C9orf72: variants seen among roughly 807,000 people sequenced by gnomAD.
C9orf72 encodes C9orf72-SMCR8 complex subunit.
A neutral mutation model predicts 51.6 loss-of-function variants in C9orf72; 44 were observed. That is an observed-to-expected ratio of 0.85 (90% CI 0.67 to 1.10). The LOEUF (loss-of-function observed/expected upper bound fraction) is 1.10, where lower values mean the gene tolerates loss of function less well. C9orf72 is among the 50% of genes least tolerant of loss of function. The pLI is 0.00. For missense variants in C9orf72, 607 were observed against 570.6 expected, an observed-to-expected ratio of 1.06 and a Z score of -0.65; for synonymous variants, 213 against 194.2, an observed-to-expected ratio of 1.10 and a Z score of -0.81.
At position 27,558,512 on chromosome 9, in the gene C9orf72, G is replaced by C. The variant is rs1431449268; in HGVS notation, c.834C>G (p.Leu278=). The part of the protein sequence containing the change: ...AESSFKYESG[L]FVQGLLKDST... ...ATACCTTTAGCAGGCCTTGTACAAAGAGCCCTGACTCATATTTAAATGATG... is the reference window on the plus strand; with the variant it reads ...ATACCTTTAGCAGGCCTTGTACAAACAGCCCTGACTCATATTTAAATGATG... The change falls in exon 7 of 11, where the codon CTC becomes CTG. Residue 278 remains leucine, a synonymous_variant. Coordinates refer to ENST00000380003, the MANE Select transcript of C9orf72 (RefSeq NM_018325.5). The C allele has an allele frequency of 6.3e-7, 1 of 1,592,236 alleles. No individual in the cohort carries two copies. The highest frequency in any genetic ancestry group is 1.1e-5 in the South Asian group (1 of 89,390).
At chr9:27,558,201 G>C (rs1442367879) in intron 7 of C9orf72, among the ~76,000 whole-genome samples, 1 of 150,126 alleles carries the variant, frequency 6.7e-6, no homozygotes, top group Non-Finnish European at 1.5e-5. Context: ...TCTTATTTTT[G>C]ATGTGCAACC....
chr9:27,562,045 G>T (rs1286617820), intron 4 of C9orf72, among the ~76,000 whole-genome samples: 2 of 152,152 alleles, frequency 1.3e-5, no homozygotes, highest in East Asian at 3.8e-4. Flanking sequence ...TTCCATTAAT[G>T]GTTACTACTT....
Position 27,550,644 on chromosome 9 carries a change from A to T in C9orf72, c.1149+6T>A. ...TCACTCTGACAATCTCAAGTTCAAC[A>T]TTTACCTGATCCAGGAAGGCTTTCA... On this transcript the variant is annotated splice_donor_region_variant and intron_variant, in intron 9 of 10. Transcript: ENST00000380003. 1 of 1,566,000 alleles carries T rather than the reference A, an allele frequency of 6.4e-7. No individual in the cohort carries two copies.
intron 2 of C9orf72, among the ~76,000 whole-genome samples, chr9:27,565,902 ATGT>A (rs1219676496): frequency 6.6e-6 from 1 of 152,226 alleles, no homozygotes; most frequent in African/African-American, 2.4e-5. Context: ...AAACATTATG[ATGT>A]TGTTTAAAAG....
intron 7 of C9orf72, 98 bp from the exon 8 acceptor site, chr9:27,556,894 T>A: frequency 1.3e-6 from 1 of 798,726 alleles, no homozygotes; most frequent in Non-Finnish European, 2.0e-6. Context: ...AGCAAATCCA[T>A]CTCTAAAAAT....
intron 1 of C9orf72, among the ~76,000 whole-genome samples, chr9:27,570,847 C>G (rs567905195): frequency 3.2e-4 from 48 of 151,628 alleles, no homozygotes; most frequent in Non-Finnish European, 6.8e-4. Flanking sequence ...CCAGCCTGGG[C>G]GACAGAGAGA....
chr9:27,556,552 AT>A lies in C9orf72; in HGVS notation c.1091+8del. Reference sequence around the variant, plus strand: ...TGACTACAGTACCAGCAGGCAGAGCATTACGTACAAATCAGGAGTAAAGCTT... The same window carrying A: ...TGACTACAGTACCAGCAGGCAGAGCATACGTACAAATCAGGAGTAAAGCTT... On this transcript the variant is annotated splice_region_variant and intron_variant, in intron 8 of 10. Coordinates refer to ENST00000380003, the MANE Select transcript of C9orf72 (RefSeq NM_018325.5). 1 of 1,564,650 alleles carries A rather than the reference AT, an allele frequency of 6.4e-7. No individual in the cohort carries two copies. Among genetic ancestry groups the A allele is most frequent in the Non-Finnish European group, 8.8e-7 (1 of 1,135,230 alleles).
intron 8 of C9orf72, 40 bp downstream of exon 8, chr9:27,556,521 A>G (rs1563901042): frequency 7.6e-7 from 1 of 1,317,826 alleles, no homozygotes; most frequent in Non-Finnish European, 1.1e-6. Flanking sequence ...ACAATTTCAT[A>G]TTGCTTGACT....
chr9:27,571,596 C>A (rs1284909764), intron 1 of C9orf72, among the ~76,000 whole-genome samples: 1 of 152,152 alleles, frequency 6.6e-6, no homozygotes, highest in Non-Finnish European at 1.5e-5. Context: ...GCTAGGACTA[C>A]AGGTGCACAT....
At chr9:27,564,156 C>CAAAAAAA (rs11438223) in intron 3 of C9orf72, among the ~76,000 whole-genome samples, 3 of 86,710 alleles carry the variant, frequency 3.5e-5, no homozygotes, top group Non-Finnish European at 4.5e-5. Flanking sequence ...TCAACAACAC[C>CAAAAAAA]AAAAAAAAAA....
At position 27,550,013 on chromosome 9, in the gene C9orf72, TA is replaced by T. The variant is rs548377560; in HGVS notation, c.1149+636del. On this transcript the variant is annotated intron_variant, in intron 9 of 10. Coordinates refer to ENST00000380003, the MANE Select transcript of C9orf72 (RefSeq NM_018325.5). ...CATTTTATAAATGTTAAAATATATA[TA>T]AAAAATATATTACACTCTATCATAG... Among the ~76,000 whole-genome samples the T allele has an allele frequency of 2.8e-4, 43 of 150,930 alleles. 1 individual carries two copies. The highest frequency in any genetic ancestry group is 1.2e-3 in the East Asian group (6 of 5,160).
chr9:27,558,793 A>G (rs913295251), intron 6 of C9orf72, 186 bp from the exon 7 acceptor site: 3 of 466,630 alleles, frequency 6.4e-6, no homozygotes, highest in African/African-American at 6.1e-5. Context: ...CTGTGGTCAA[A>G]TAAATTTAGA....
intron 7 of C9orf72, among the ~76,000 whole-genome samples, chr9:27,557,404 G>A (rs1819229337): frequency 6.6e-6 from 1 of 152,090 alleles, no homozygotes; most frequent in Non-Finnish European, 1.5e-5. Context: ...CAGAACAGAA[G>A]AAAGAGGCTA....
chr9:27,552,515 A>ATTTTTTTTTTTTT (rs71492751), intron 8 of C9orf72, among the ~76,000 whole-genome samples: 3 of 105,622 alleles, frequency 2.8e-5, no homozygotes, highest in Non-Finnish European at 5.4e-5. Context: ...TACCAAGCTA[A>ATTTTTTTTTTTTT]TTTTTTTTTT....
chr9:27,561,313 T>A, intron 5 of C9orf72: 1 of 1,209,440 alleles, frequency 8.3e-7, no homozygotes, highest in African/African-American at 1.6e-5. Flanking sequence ...TAATGAGAAG[T>A]AAAACAAGAA....
At chr9:27,550,593 T>C in intron 9 of C9orf72, 57 bp downstream of exon 9, 2 of 1,083,872 alleles carry the variant, frequency 1.8e-6, no homozygotes, top group South Asian at 2.8e-5. Context: ...GTAGGATATA[T>C]TAAAAAAGAA....
chr9:27,548,218 G>C lies in C9orf72; in HGVS notation c.*18C>G, dbSNP rs528229273. 50 of 1,581,976 alleles carry C rather than the reference G, an allele frequency of 3.2e-5. No individual in the cohort carries two copies. The South Asian group carries it at 5.3e-4, about 17-fold the overall frequency. On this transcript the variant is annotated 3_prime_UTR_variant, in exon 11 of 11. Transcript: ENST00000380003. ...AGCGATCATGATTGTGATGGAATAG[G>C]CTTATTAAGTTACACATTTAAAAAG...
intron 9 of C9orf72, among the ~76,000 whole-genome samples, chr9:27,550,042 T>C (rs1802287473): frequency 6.6e-6 from 1 of 150,536 alleles, no homozygotes; most frequent in Admixed American, 6.6e-5. Context: ...TATCATAGAG[T>C]ATATGTTATA....
rs138935463 is a variant in C9orf72, at chr9:27,569,629, T to C, written c.-44-2465A>G. On this transcript the variant is annotated intron_variant, in intron 1 of 10. Coordinates refer to ENST00000380003, the MANE Select transcript of C9orf72 (RefSeq NM_018325.5). Reference sequence around the variant, plus strand: ...AGGTTTGTGTAAGTACACTCTATGATGTTTGCATAATGACAAAATCGCCTA... The same window carrying C: ...AGGTTTGTGTAAGTACACTCTATGACGTTTGCATAATGACAAAATCGCCTA... Among the ~76,000 whole-genome samples, 6 of 152,352 alleles carry C rather than the reference T, an allele frequency of 3.9e-5. No homozygotes were observed. The East Asian group carries it at 1.2e-3, about 29-fold the overall frequency.
Sources: allele counts gnomAD v4.1 joint callset (sites outside exome capture counted in the v4.1 genomes callset), GRCh38; gene constraint gnomAD v4.1.1; transcripts MANE v1.5; gene names NCBI Gene and HGNC (gene_info 2026-07-23, HGNC 2026-07-21).